Variants in CLEC2D observed in about 807,000 individuals in gnomAD.
CLEC2D encodes the protein C-type lectin domain family 2 member D.
CLEC2D carries 16 observed loss-of-function variants against 20.0 expected under a neutral mutation model. The observed-to-expected ratio is 0.80, with a 90% CI of 0.54 to 1.22. CLEC2D has a LOEUF of 1.22. Ranked by LOEUF, CLEC2D falls within the 50% of genes most tolerant of loss-of-function variation. The probability of loss-of-function intolerance (pLI) is 0.00; values close to 1 mark genes in which losing one functional copy is unlikely to be tolerated. For missense variants in CLEC2D, 207 were observed against 221.5 expected, an observed-to-expected ratio of 0.93 and a Z score of 0.42; for synonymous variants, 77 against 71.1, an observed-to-expected ratio of 1.08 and a Z score of -0.42.
chr12:9,681,162 A>G (rs1339272185), intron 2 of CLEC2D, 129 bp downstream of exon 2: 3 of 557,718 alleles, frequency 5.4e-6, no homozygotes, highest in Non-Finnish European at 6.2e-6. Flanking sequence ...TTACACTCCA[A>G]TAACTTTTTA....
chr12:9,673,897 A>T (rs1292642148), intron 1 of CLEC2D: 1 of 152,634 alleles, frequency 6.6e-6, no homozygotes, highest in Non-Finnish European at 1.5e-5. Flanking sequence ...TTGCACTGTC[A>T]GGGGCAAACC....
chr12:9,680,839 A>G (rs1865619617), intron 1 of CLEC2D, 84 bp from the exon 2 acceptor site: 2 of 695,480 alleles, frequency 2.9e-6, no homozygotes, highest in Admixed American at 4.5e-5. Flanking sequence ...GAATTAAATA[A>G]AAATAACATT....
chr12:9,694,831 C>A lies in CLEC2D; in HGVS notation c.533C>A (p.Thr178Lys). ...GGTGCCAGTAGTGCCAGGCACTACA[C>A]AGAGAGGAAGTGGATTTGTTCCAAA... ...DKGASSARHYTERKWICSKSD... is the reference protein window; with the variant it reads ...DKGASSARHYKERKWICSKSD... Residue 178 changes from threonine to lysine, a missense_variant, in exon 5 of 5, where the codon ACA (threonine) becomes AAA (lysine). Transcript: ENST00000290855. 1 of 1,610,676 alleles carries A rather than the reference C, an allele frequency of 6.2e-7. No individual in the cohort carries two copies. Among genetic ancestry groups the A allele is most frequent in the Non-Finnish European group, 8.5e-7 (1 of 1,177,082 alleles).
chr12:9,679,291 G>A (rs1252185932), intron 1 of CLEC2D, among the ~76,000 whole-genome samples: 1 of 151,764 alleles, frequency 6.6e-6, no homozygotes, highest in Non-Finnish European at 1.5e-5. Flanking sequence ...ATATAATTTA[G>A]GTTTCTAACC....
chr12:9,685,614 C>T (rs1591697852), intron 2 of CLEC2D, among the ~76,000 whole-genome samples: 1 of 152,334 alleles, frequency 6.6e-6, no homozygotes, highest in Middle Eastern at 3.4e-3. Context: ...GTGGTGGGCT[C>T]CGCCCAGTCC....
rs1319201466 is a variant in CLEC2D, at chr12:9,680,936, A to C, written c.75A>C (p.Ser25=). 1.3e-6 allele frequency: 2 copies of C among 1,573,168 alleles called. No individual in the cohort carries two copies. Among genetic ancestry groups the C allele is most frequent in the Non-Finnish European group, 1.7e-6 (2 of 1,144,532 alleles). Residue 25 remains serine (S), a synonymous_variant, in exon 2 of 5, where the codon TCA becomes TCC. Coordinates refer to ENST00000290855, the MANE Select transcript of CLEC2D (RefSeq NM_013269.6). ...ELPANPGCLH[S]KEHSIKATLI... ...AATTTTTTCCAGGTTGTCTGCATTC[A>C]AAAGAGCATTCTATTAAAGCTACCT... is the stretch of plus-strand genomic sequence containing the variant.
chr12:9,682,876 A>G (rs886222756), intron 2 of CLEC2D, among the ~76,000 whole-genome samples: 11 of 151,584 alleles, frequency 7.3e-5, no homozygotes, highest in Non-Finnish European at 1.3e-4. Context: ...TCCTTTGGGT[A>G]TAGACCCAGT....
chr12:9,672,429 G>T (rs1285042146), intron 1 of CLEC2D, among the ~76,000 whole-genome samples: 1 of 152,172 alleles, frequency 6.6e-6, no homozygotes, highest in Non-Finnish European at 1.5e-5. Context: ...TTGGCATATT[G>T]TAGCACTCAA....
chr12:9,693,494 G>C (rs1865910487), intron 4 of CLEC2D: 1 of 177,412 alleles, frequency 5.6e-6, no homozygotes, highest in Non-Finnish European at 1.2e-5. Context: ...GTTTGTCTGA[G>C]AGATGAGACA....
rs1555109358 is a variant in CLEC2D, at chr12:9,696,545, AAGT to A, written c.*1673_*1675del. The A allele has an allele frequency of 2.2e-5, 1 of 45,112 alleles. No individual in the cohort carries two copies. The allele number at this position is 45,112 out of a possible 1,614,324, so 2.8% of individuals were successfully genotyped here. ...TGAAATAAAACTCAGTATTTTAATAAAGTAAAAAAAAAAAAAAAGGTATGGGGA... is the reference window on the plus strand; with the variant it reads ...TGAAATAAAACTCAGTATTTTAATAAAAAAAAAAAAAAAAAGGTATGGGGA... On this transcript the variant is annotated 3_prime_UTR_variant, in exon 5 of 5. Coordinates refer to ENST00000290855, the MANE Select transcript of CLEC2D (RefSeq NM_013269.6).
At chr12:9,669,962 T>G (rs1865374867) in intron 1 of CLEC2D, among the ~76,000 whole-genome samples, 167 bp downstream of exon 1, 1 of 152,132 alleles carries the variant, frequency 6.6e-6, no homozygotes, top group Admixed American at 6.5e-5. Flanking sequence ...AACATGCATA[T>G]ATTTATATTC....
Position 9,696,044 on chromosome 12 carries a change from A to C in CLEC2D, c.*1170A>C. 4.6e-6 allele frequency: 6 copies of C among 1,317,468 alleles called. No homozygotes were observed. The South Asian group carries it at 7.0e-5, about 15-fold the overall frequency. 81.6% of individuals were successfully genotyped at this position (1,317,468 alleles called of 1,614,324 possible). A position where few individuals can be genotyped will look rare whatever the true frequency, so the allele number is the denominator to read the frequency against. On this transcript the variant is annotated 3_prime_UTR_variant, in exon 5 of 5. Coordinates refer to ENST00000290855, the MANE Select transcript of CLEC2D (RefSeq NM_013269.6). ...CAAGAATCCTTCAAAAAACAGGAAA[A>C]ATCTCCTAAAACACCAAAAGGATCT...
rs367940100 is a variant in CLEC2D, at chr12:9,695,674, G to A, written c.*800G>A. 5.1e-6 allele frequency: 8 copies of A among 1,575,960 alleles called. No individual in the cohort carries two copies. Among genetic ancestry groups the A allele is most frequent in the Non-Finnish European group, 6.9e-6 (8 of 1,156,396 alleles). On this transcript the variant is annotated 3_prime_UTR_variant, in exon 5 of 5. Coordinates refer to ENST00000290855, the MANE Select transcript of CLEC2D (RefSeq NM_013269.6). ...TGGGGGCTTTGAAATAACACCACCA[G>A]TGGACTTAAGGTTGAAGTGTGGTTC...
At position 9,681,005 on chromosome 12, in the gene CLEC2D, A is replaced by T; in HGVS notation, c.144A>T (p.Ile48=). ...LFFLIMFLTI[I]VCGMVAALSA... Reference sequence around the variant, plus strand: ...TCTTAATCATGTTTCTGACAATCATAGTGTGTGGAATGGTTGCTGCTTTAA... The same window carrying T: ...TCTTAATCATGTTTCTGACAATCATTGTGTGTGGAATGGTTGCTGCTTTAA... The change falls in exon 2 of 5, where the codon ATA becomes ATT. Residue 48 remains isoleucine, a synonymous_variant. Coordinates refer to ENST00000290855, the MANE Select transcript of CLEC2D (RefSeq NM_013269.6). 6.3e-7 allele frequency: 1 copy of T among 1,596,188 alleles called. No homozygotes were observed. The highest frequency in any genetic ancestry group is 8.6e-7 in the Non-Finnish European group (1 of 1,164,586).
intron 2 of CLEC2D, among the ~76,000 whole-genome samples, chr12:9,681,535 G>A (rs772292618): frequency 4.6e-5 from 7 of 151,996 alleles, no homozygotes; most frequent in Non-Finnish European, 8.8e-5. Flanking sequence ...AACAAACTCC[G>A]TTTAGTGATT....
At position 9,669,746 on chromosome 12, in the gene CLEC2D, T is replaced by A; in HGVS notation, c.12T>A (p.Ser4Arg). 1 of 1,613,618 alleles carries A rather than the reference T, an allele frequency of 6.2e-7. No individual in the cohort carries two copies. The highest frequency in any genetic ancestry group is 2.2e-5 in the East Asian group (1 of 44,860). The part of the protein sequence containing the change: MHD[S>R]NNVEKDITPS... ...AAACTGGAGGCAAAATGCATGACAG[T>A]AACAATGTGGAGAAAGACATTACAC... The change falls in exon 1 of 5, where the codon AGT becomes AGA. Residue 4 changes from serine to arginine, a missense_variant. Physicochemically the swap from Ser to Arg is moderately radical, Grantham distance 110. Coordinates refer to ENST00000290855, the MANE Select transcript of CLEC2D (RefSeq NM_013269.6).
chr12:9,681,533 C>T (rs1210079549), intron 2 of CLEC2D, among the ~76,000 whole-genome samples: 3 of 152,070 alleles, frequency 2.0e-5, no homozygotes, highest in East Asian at 3.8e-4. Context: ...AAAACAAACT[C>T]CGTTTAGTGA....
intron 3 of CLEC2D, among the ~76,000 whole-genome samples, chr12:9,691,213 A>G (rs1865855159): frequency 2.1e-5 from 2 of 93,046 alleles, no homozygotes; most frequent in Non-Finnish European, 4.3e-5. Flanking sequence ...ACATAGCCAA[A>G]TAATTATGTT....
intron 1 of CLEC2D, among the ~76,000 whole-genome samples, chr12:9,671,748 A>G (rs1176926223): frequency 1.3e-5 from 2 of 152,334 alleles, no homozygotes; most frequent in East Asian, 1.9e-4. Context: ...CAGAGGCTCA[A>G]TTCCATGTTT....
Sources: allele counts gnomAD v4.1 joint callset (sites outside exome capture counted in the v4.1 genomes callset), GRCh38; gene constraint gnomAD v4.1.1; transcripts MANE v1.5; gene names NCBI Gene and HGNC (gene_info 2026-07-23, HGNC 2026-07-21).